The following LAMB1 variants were observed in gnomAD, a reference collection of about 807,000 sequenced individuals.
The protein encoded by LAMB1 is laminin subunit beta 1, also known as laminin subunit beta-1.
Under a neutral mutation model 222.3 loss-of-function variants are expected in LAMB1, and 121 were observed. The ratio of observed to expected loss-of-function variants is 0.54; its 90% confidence interval spans 0.47 to 0.63. The LOEUF (loss-of-function observed/expected upper bound fraction) is 0.63, where lower values mean the gene tolerates loss of function less well. Ranked by LOEUF, LAMB1 falls within the 30% of genes least tolerant of loss-of-function variation. The pLI, the probability that LAMB1 is intolerant of heterozygous loss-of-function variation, is 0.00. For missense variants in LAMB1, 2,172 were observed against 2,240.8 expected, an observed-to-expected ratio of 0.97 and a Z score of 0.62; for synonymous variants, 794 against 807.2, an observed-to-expected ratio of 0.98 and a Z score of 0.28.
At chr7:107,928,694 T>C (rs1288613699) in intron 31 of LAMB1, among the ~76,000 whole-genome samples, 1 of 152,212 alleles carries the variant, frequency 6.6e-6, no homozygotes, top group Non-Finnish European at 1.5e-5. Flanking sequence ...GGTTTTGCCA[T>C]GTTGGCCACG....
At position 107,975,725 on chromosome 7, in the gene LAMB1, G is replaced by C. The variant is rs535788456; in HGVS notation, c.1153C>G (p.Pro385Ala). 3.2e-5 allele frequency: 51 copies of C among 1,612,900 alleles called. No homozygotes were observed. The South Asian group carries it at 5.5e-4, about 17-fold the overall frequency. The change falls in exon 10 of 34, where the codon CCA becomes GCA. Residue 385 changes from proline to alanine, a missense_variant. Coordinates refer to ENST00000222399, the MANE Select transcript of LAMB1 (RefSeq NM_002291.3). The stretch of plus-strand genomic sequence containing the variant: ...TTAGGATCTCGGATGTCCCTCTCTG[G>C]GTGCTGGTAGTAAAACGGCTTGCAC... ...EQCKPFYYQH[P>A]ERDIRDPNFC... is the part of the protein sequence containing the mutation.
At chr7:107,981,445 T>TAA (rs11304647) in intron 7 of LAMB1, among the ~76,000 whole-genome samples, 233 of 141,282 alleles carry the variant, frequency 1.6e-3, no homozygotes, top group African/African-American at 5.8e-3. Flanking sequence ...CAAAACTGTT[T>TAA]AAAAAAAAAA....
At position 107,923,933 on chromosome 7, in the gene LAMB1, A is replaced by AT; in HGVS notation, c.*17dup. ...TTGTTTTACCTTGTTCACCTCAGCC[A>AT]TTTTTTATTCTCCTCTGTTACAAGC... On this transcript the variant is annotated 3_prime_UTR_variant, in exon 34 of 34. Transcript: ENST00000222399. 4 of 1,596,356 alleles carry AT rather than the reference A, an allele frequency of 2.5e-6. No homozygotes were observed. The highest frequency in any genetic ancestry group is 2.3e-5 in the East Asian group (1 of 44,010).
intron 7 of LAMB1, among the ~76,000 whole-genome samples, chr7:107,984,963 T>C (rs2150445727): frequency 6.6e-6 from 1 of 152,338 alleles, no homozygotes; most frequent in East Asian, 1.9e-4. Flanking sequence ...GCTACACTTC[T>C]TCTCTAGAAA....
chr7:107,931,491 C>A lies in LAMB1; in HGVS notation c.4402G>T (p.Ala1468Ser). ...TTTGCCTCATCTGCCCTCAGTTTTGCTTCAGAGACCTAAATATGAAGAATA... is the reference window on the plus strand; with the variant it reads ...TTTGCCTCATCTGCCCTCAGTTTTGATTCAGAGACCTAAATATGAAGAATA... ...VEQLSKMVSE[A>S]KLRADEAKQS... Residue 1468 changes from alanine (A) to serine (S), a missense_variant, in exon 29 of 34, where the codon GCA becomes TCA. Transcript: ENST00000222399. The A allele has an allele frequency of 6.2e-7, 1 of 1,613,184 alleles. No individual in the cohort carries two copies. Among genetic ancestry groups the A allele is most frequent in the Admixed American group, 1.7e-5 (1 of 59,946 alleles).
intron 13 of LAMB1, 91 bp from the exon 14 acceptor site, chr7:107,964,778 A>G: frequency 7.2e-7 from 1 of 1,390,638 alleles, no homozygotes; most frequent in Non-Finnish European, 1.0e-6. Flanking sequence ...TACTCAGTAC[A>G]CAGGACCAAA....
chr7:107,988,246 T>A (rs769431298), intron 5 of LAMB1, among the ~76,000 whole-genome samples: 1 of 152,214 alleles, frequency 6.6e-6, no homozygotes, highest in South Asian at 2.1e-4. Flanking sequence ...GTGTTGCCAA[T>A]GACGACAACG....
intron 13 of LAMB1, among the ~76,000 whole-genome samples, chr7:107,971,900 C>A (rs10487278): frequency 0.093 from 14,133 of 152,188 alleles, 696 homozygotes; most frequent in Admixed American, 0.16. Context: ...CCACTTTTAT[C>A]TCATCAAGAA....
intron 4 of LAMB1, among the ~76,000 whole-genome samples, chr7:107,997,515 T>G (rs1381940882): frequency 6.6e-6 from 1 of 152,218 alleles, no homozygotes; most frequent in Non-Finnish European, 1.5e-5. Flanking sequence ...TGCAGCGGCA[T>G]CCAAAGCCTG....
intron 13 of LAMB1, among the ~76,000 whole-genome samples, chr7:107,968,438 G>A (rs762280793): frequency 6.6e-6 from 1 of 152,110 alleles, no homozygotes; most frequent in Non-Finnish European, 1.5e-5. Flanking sequence ...GTTATCTGTG[G>A]GATGTTACCT....
chr7:108,002,908 G>A lies in LAMB1; in HGVS notation c.-23C>T, dbSNP rs2034418623. 10 of 1,613,510 alleles carry A rather than the reference G, an allele frequency of 6.2e-6. No homozygotes were observed. The highest frequency in any genetic ancestry group is 1.7e-5 in the Admixed American group (1 of 59,994). On this transcript the variant is annotated 5_prime_UTR_variant, in exon 2 of 34. Transcript: ENST00000222399. Reference sequence around the variant, plus strand: ...CATGCCGGCTCCCTGCAGCCACGGGGACGCGGCAGAGGAGTGGAGAAGACG... The same window carrying A: ...CATGCCGGCTCCCTGCAGCCACGGGAACGCGGCAGAGGAGTGGAGAAGACG...
At position 107,940,148 on chromosome 7, in the gene LAMB1, AG is replaced by A; in HGVS notation, c.3601del (p.Leu1201TrpfsTer7). The A allele has an allele frequency of 6.2e-7, 1 of 1,614,068 alleles. No homozygotes were observed. Among genetic ancestry groups the A allele is most frequent in the Non-Finnish European group, 8.5e-7 (1 of 1,180,004 alleles). ...GATCTTCAAGGCCTTGGCTTTCTCC[AG>A]GAATCTGTGTGTCCTGTTGGTCAGC... is the stretch of plus-strand genomic sequence containing the variant. ...AELTNRTHRF[L>X]EKAKALKISG... On this transcript the variant is annotated frameshift_variant, in exon 25 of 34. Transcript: ENST00000222399. LOFTEE classifies it high-confidence loss of function.
intron 9 of LAMB1, among the ~76,000 whole-genome samples, chr7:107,977,658 G>A (rs1230074020): frequency 6.6e-6 from 1 of 152,100 alleles, no homozygotes; most frequent in African/African-American, 2.4e-5. Flanking sequence ...GGGCATGGTG[G>A]CGCGTGCCTG....
intron 20 of LAMB1, 66 bp downstream of exon 20, chr7:107,959,183 T>G: frequency 8.2e-7 from 1 of 1,224,642 alleles, no homozygotes; most frequent in Admixed American, 1.9e-5. Context: ...ATTCTGTGGT[T>G]GGTCTAAGAT....
At chr7:107,954,331 ATTT>A (rs35519789) in intron 21 of LAMB1, among the ~76,000 whole-genome samples, 9 of 133,628 alleles carry the variant, frequency 6.7e-5, no homozygotes, top group Admixed American at 7.6e-5. Flanking sequence ...ATTTTGTAAA[ATTT>A]TTTTTTTTTT....
At chr7:107,973,519 C>T (rs1238397160) in intron 12 of LAMB1, among the ~76,000 whole-genome samples, 4 of 152,190 alleles carry the variant, frequency 2.6e-5, no homozygotes, top group African/African-American at 9.7e-5. Context: ...CGACTATTCT[C>T]ACCACTGAGC....
Position 107,973,040 on chromosome 7 carries a change from T to C in LAMB1, c.1514A>G (p.Asp505Gly), listed in dbSNP as rs1439716461. 6.8e-6 allele frequency: 11 copies of C among 1,613,968 alleles called. No homozygotes were observed. Among genetic ancestry groups the C allele is most frequent in the Non-Finnish European group, 8.5e-6 (10 of 1,179,878 alleles). ...PEHWGLSNDL[D>G]GCRPCDCDLG... is the part of the protein sequence containing the mutation. Reference sequence around the variant, plus strand: ...GTCACAGTCACATGGTCGACATCCATCCAAATCATTGCTTAAGCCCCAGTG... The same window carrying C: ...GTCACAGTCACATGGTCGACATCCACCCAAATCATTGCTTAAGCCCCAGTG... The change falls in exon 13 of 34, where the codon GAT becomes GGT. Residue 505 changes from aspartate (D) to glycine (G), a missense_variant. Coordinates refer to ENST00000222399, the MANE Select transcript of LAMB1 (RefSeq NM_002291.3).
At chr7:107,943,638 C>T (rs1272054406) in intron 24 of LAMB1, among the ~76,000 whole-genome samples, 1 of 152,094 alleles carries the variant, frequency 6.6e-6, no homozygotes, top group Non-Finnish European at 1.5e-5. Context: ...CTCCTCCCAT[C>T]CCCAGATTCT....
intron 28 of LAMB1, among the ~76,000 whole-genome samples, 195 bp downstream of exon 28, chr7:107,931,979 C>A (rs1189731878): frequency 4.6e-5 from 7 of 152,182 alleles, no homozygotes; most frequent in Non-Finnish European, 8.8e-5. Context: ...GAGGAGAAAG[C>A]AAATTCTTTA....
Sources: gnomAD v4.1 joint callset for allele counts (sites outside exome capture counted in the v4.1 genomes callset) on GRCh38, gnomAD v4.1.1 for gene constraint, MANE v1.5 for transcripts, NCBI Gene and HGNC (gene_info 2026-07-23, HGNC 2026-07-21) for gene names.